The following COPG1 variants were observed in gnomAD, a reference collection of about 807,000 sequenced individuals.
The protein encoded by COPG1 is coat protein complex I subunit gamma 1, also known as coatomer subunit gamma-1.
Under a neutral mutation model 102.8 loss-of-function variants are expected in COPG1, and 29 were observed. The observed-to-expected ratio is 0.28, with a 90% confidence interval of 0.21 to 0.38. The LOEUF is 0.38. Ranked by LOEUF, COPG1 falls within the 10% of genes least tolerant of loss-of-function variation. The pLI is 1.00. For synonymous variants in COPG1, 406 were observed against 421.6 expected (o/e 0.96, Z 0.45); for missense variants, 875 against 1,132.7 (o/e 0.77, Z 3.27).
chr3:129,268,961 C>G lies in COPG1; in HGVS notation c.1804C>G (p.Pro602Ala). The G allele has an allele frequency of 6.2e-7, 1 of 1,614,128 alleles. No individual in the cohort carries two copies. Among genetic ancestry groups the G allele is most frequent in the South Asian group, 1.1e-5 (1 of 91,084 alleles). Residue 602 changes from proline to alanine, a missense_variant, in exon 18 of 24, where the codon CCT becomes GCT. Pro to Ala is a conservative substitution (Grantham distance 27). Transcript: ENST00000314797. ...ESTPITAVKQ[P>A]EKVAATRQEI... ...TACCCCCATCACAGCAGTCAAACAGCCTGAGAAAGTGGCAGCTACCAGGCA... is the reference window on the plus strand; with the variant it reads ...TACCCCCATCACAGCAGTCAAACAGGCTGAGAAAGTGGCAGCTACCAGGCA...
At chr3:129,259,800 G>A (rs1298253029) in intron 10 of COPG1, among the ~76,000 whole-genome samples, 1 of 152,198 alleles carries the variant, frequency 6.6e-6, no homozygotes, top group African/African-American at 2.4e-5. Flanking sequence ...TAAACCATTT[G>A]TTTAAGAGAG....
In COPG1 at chr3:129,268,492, C is replaced by T; in HGVS notation, c.1649-3C>T. 6.2e-7 allele frequency: 1 copy of T among 1,613,922 alleles called. No homozygotes were observed. The highest frequency in any genetic ancestry group is 8.5e-7 in the Non-Finnish European group (1 of 1,179,906). ...AGGCATGGTGACCTCTCTTCACCTCCAGGTCTGACTGTGTCCATCCCTGGT... is the reference window on the plus strand; with the variant it reads ...AGGCATGGTGACCTCTCTTCACCTCTAGGTCTGACTGTGTCCATCCCTGGT... On this transcript the variant is annotated splice_polypyrimidine_tract_variant and splice_region_variant and intron_variant, in intron 16 of 23. Transcript: ENST00000314797.
At position 129,272,262 on chromosome 3, in the gene COPG1, C is replaced by T. The variant is rs1327933113; in HGVS notation, c.2005C>T (p.Leu669Phe). ...MVFQFDCTNT[L>F]NDQTLENVTV... ...TGTTCAGTTTGACTGCACAAACACA[C>T]TCAATGACCAGACCTTGGAGAATGT... The change falls in exon 20 of 24, where the codon CTC becomes TTC. Residue 669 changes from leucine (L) to phenylalanine (F), a missense_variant. Transcript: ENST00000314797. 1 of 1,614,014 alleles carries T rather than the reference C, an allele frequency of 6.2e-7. No individual in the cohort carries two copies. The highest frequency in any genetic ancestry group is 1.1e-5 in the South Asian group (1 of 91,078).
At chr3:129,255,487 CT>C (rs528208821) in intron 7 of COPG1, among the ~76,000 whole-genome samples, 208 of 126,740 alleles carry the variant, frequency 1.6e-3, no homozygotes, top group Admixed American at 1.8e-3. Flanking sequence ...TCTCTTTCTT[CT>C]TTTTTTTTTT....
At chr3:129,256,032 TC>T in intron 7 of COPG1, 35 bp from the exon 8 acceptor site, 1 of 1,596,522 alleles carries the variant, frequency 6.3e-7, no homozygotes, top group Non-Finnish European at 8.6e-7. Context: ...TGGGGACACT[TC>T]CTACCTGCCC....
intron 14 of COPG1, among the ~76,000 whole-genome samples, chr3:129,266,484 T>C (rs1286637054): frequency 6.6e-6 from 1 of 152,172 alleles, no homozygotes; most frequent in Non-Finnish European, 1.5e-5. Flanking sequence ...AACAAAAAGC[T>C]TTGTTGAGAT....
At chr3:129,276,498 AT>A (rs1189370335) in intron 23 of COPG1, among the ~76,000 whole-genome samples, 2 of 152,012 alleles carry the variant, frequency 1.3e-5, no homozygotes, top group Non-Finnish European at 2.9e-5. Flanking sequence ...AAATGGGATG[AT>A]TTTTTTTGGC....
intron 5 of COPG1, 159 bp from the exon 6 acceptor site, chr3:129,254,509 C>G: frequency 3.5e-6 from 2 of 571,770 alleles, no homozygotes; most frequent in South Asian, 4.5e-5. Context: ...GAAACTCCCT[C>G]CAGCAGCTGT....
intron 12 of COPG1, among the ~76,000 whole-genome samples, chr3:129,262,356 C>T (rs950703687): frequency 2.6e-5 from 4 of 151,768 alleles, no homozygotes; most frequent in Admixed American, 2.6e-4. Flanking sequence ...GGGTTCACGC[C>T]ATTCTTCTGC....
At chr3:129,257,950 G>A in intron 10 of COPG1, 90 bp downstream of exon 10, 1 of 1,521,454 alleles carries the variant, frequency 6.6e-7, no homozygotes, top group Non-Finnish European at 8.9e-7. Flanking sequence ...GAAAGAAAAT[G>A]CTCTTAACAA....
intron 12 of COPG1, among the ~76,000 whole-genome samples, chr3:129,262,684 C>G (rs556144220): frequency 6.6e-6 from 1 of 151,366 alleles, no homozygotes; most frequent in Middle Eastern, 3.4e-3. Context: ...GATCATGCCA[C>G]TGCACTCCAG....
rs763167360 is a variant in COPG1 at position 129,257,566 on chromosome 3, C to A, written c.676C>A (p.Pro226Thr). ...GGTCACACGGCATGGCCTTAAGTCT[C>A]CCTTTGCCTACTGCATGATGATCCG... ...SKVTRHGLKS[P>T]FAYCMMIRVA... is the part of the protein sequence containing the mutation. Residue 226 changes from proline to threonine, a missense_variant, in exon 9 of 24, where the codon CCC becomes ACC. Pro to Thr is a conservative substitution (Grantham distance 38, BLOSUM62 -1). Transcript: ENST00000314797. 6.2e-6 allele frequency: 10 copies of A among 1,614,092 alleles called. No individual in the cohort carries two copies. Among genetic ancestry groups the A allele is most frequent in the Non-Finnish European group, 8.5e-6 (10 of 1,180,060 alleles).
At position 129,264,085 on chromosome 3, in the gene COPG1, T is replaced by G. The variant is rs565340020; in HGVS notation, c.1224+86T>G. ...CTGGCTCCATGCTCAGCTTTGTGCG[T>G]GTGCTTATGTTAGCCTGTTAACCAA... On this transcript the variant is annotated intron_variant, in intron 13 of 23. Coordinates refer to ENST00000314797, the MANE Select transcript of COPG1 (RefSeq NM_016128.4). 40 of 1,124,172 alleles carry G rather than the reference T, an allele frequency of 3.6e-5. No individual in the cohort carries two copies. The South Asian group carries it at 5.1e-4, about 14-fold the overall frequency. The allele number at this position is 1,124,172 out of a possible 1,614,324, so 69.6% of individuals were successfully genotyped here.
At chr3:129,261,032 T>C (rs1468706594) in intron 12 of COPG1, among the ~76,000 whole-genome samples, 1 of 152,176 alleles carries the variant, frequency 6.6e-6, no homozygotes, top group Non-Finnish European at 1.5e-5. Flanking sequence ...GAAAGAACAG[T>C]AGTTTCCAGG....
chr3:129,274,844 G>T lies in COPG1; in HGVS notation c.2263G>T (p.Asp755Tyr), dbSNP rs1940236299. 5 of 1,614,120 alleles carry T rather than the reference G, an allele frequency of 3.1e-6. No homozygotes were observed. The highest frequency in any genetic ancestry group is 2.2e-5 in the South Asian group (2 of 91,084). The stretch of plus-strand genomic sequence containing the variant: ...TCTACCTCCATCTCTCCAGCTGGAA[G>T]ATCTGGAAGTTACTGTAGCTGATCA... ...EGYEDEYVLE[D>Y]LEVTVADHIQ... Residue 755 changes from aspartate (D) to tyrosine (Y), a missense_variant, in exon 22 of 24, where the codon GAT (aspartate) becomes TAT (tyrosine). Transcript: ENST00000314797.
intron 16 of COPG1, 107 bp downstream of exon 16, chr3:129,268,147 G>T: frequency 1.0e-6 from 1 of 970,030 alleles, no homozygotes; most frequent in Non-Finnish European, 1.6e-6. Flanking sequence ...GGCTGGACTT[G>T]CCTGGCAACC....
At chr3:129,255,112 G>C (rs1170625428) in intron 7 of COPG1, 35 bp downstream of exon 7, 1 of 1,454,850 alleles carries the variant, frequency 6.9e-7, no homozygotes, top group Non-Finnish European at 9.6e-7. Flanking sequence ...GCTGGGGGTG[G>C]GGTAGAAAAT....
chr3:129,265,537 TTC>T lies in COPG1; in HGVS notation c.1225-6_1225-5del. On this transcript the variant is annotated splice_polypyrimidine_tract_variant and intron_variant, in intron 13 of 23. Coordinates refer to ENST00000314797, the MANE Select transcript of COPG1 (RefSeq NM_016128.4). Reference sequence around the variant, plus strand: ...GAGCAGGCTCCTTGCTTAGCTCAGCTTCTCTCTGCAGGGTGGCTTTGAGTATA... The same window carrying T: ...GAGCAGGCTCCTTGCTTAGCTCAGCTTCTCTGCAGGGTGGCTTTGAGTATA... 1 of 1,613,642 alleles carries T rather than the reference TTC, an allele frequency of 6.2e-7. No individual in the cohort carries two copies.
intron 14 of COPG1, among the ~76,000 whole-genome samples, chr3:129,266,506 G>A (rs958388417): frequency 6.6e-6 from 1 of 152,090 alleles, no homozygotes; most frequent in Admixed American, 6.6e-5. Context: ...TAATTCACAT[G>A]CCATAAAATT....
Sources: allele counts gnomAD v4.1 joint callset (sites outside exome capture counted in the v4.1 genomes callset), GRCh38; gene constraint gnomAD v4.1.1; transcripts MANE v1.5; gene names NCBI Gene and HGNC (gene_info 2026-07-23, HGNC 2026-07-21).